HRC: variants seen among roughly 807,000 people sequenced by gnomAD.
The protein encoded by HRC is histidine rich calcium binding protein.
A neutral mutation model predicts 61.4 loss-of-function variants in HRC; 41 were observed. The ratio of observed to expected loss-of-function variants is 0.67; its 90% CI spans 0.52 to 0.87. The LOEUF (loss-of-function observed/expected upper bound fraction) is 0.87, where lower values mean the gene tolerates loss of function less well. HRC is among the 40% of genes least tolerant of loss of function. The pLI, the probability that HRC is intolerant of heterozygous loss-of-function variation, is 0.00. For missense variants in HRC, 839 were observed against 885.8 expected, an observed-to-expected ratio of 0.95 and a Z score of 0.67; for synonymous variants, 308 against 326.6, an observed-to-expected ratio of 0.94 and a Z score of 0.62.
Position 49,155,022 on chromosome 19 carries a change from C to G in HRC, c.216G>C (p.Lys72Asn). ...GATGCCCATTCTCTGTGGAAACATC[C>G]TTGTTCTCATCTGGATGGTCTCTAG... is the stretch of plus-strand genomic sequence containing the variant. ...HSPRDHPDENKDVSTENGHHF... is the reference protein window; with the variant it reads ...HSPRDHPDENNDVSTENGHHF... The change falls in exon 1 of 6, where the codon AAG becomes AAC. Residue 72 changes from lysine (K) to asparagine (N), a missense_variant. Physicochemically the swap from Lys to Asn is moderately conservative, Grantham distance 94. Coordinates refer to ENST00000252825, the MANE Select transcript of HRC (RefSeq NM_002152.3). The surrounding 1 kb of genome is among the most constrained non-coding windows in gnomAD (Gnocchi z 4.7). 6.2e-7 allele frequency: 1 copy of G among 1,614,232 alleles called. No homozygotes were observed. Among genetic ancestry groups the G allele is most frequent in the Admixed American group, 1.7e-5 (1 of 60,030 alleles).
In HRC at chr19:49,154,216, G is replaced by A; in HGVS notation, c.1022C>T (p.Pro341Leu). The A allele has an allele frequency of 6.2e-7, 1 of 1,612,764 alleles. No homozygotes were observed. Among genetic ancestry groups the A allele is most frequent in the Non-Finnish European group, 8.5e-7 (1 of 1,179,578 alleles). The change falls in exon 1 of 6, where the codon CCT (proline) becomes CTT (leucine). Residue 341 changes from proline (P) to leucine (L), a missense_variant. Physicochemically the swap from Pro to Leu is moderately conservative, Grantham distance 98. Transcript: ENST00000252825. ...TCTGTGGCCTTGGTGCCTGTGGTCAGGGACATGATGGTGGTGTTCACCTGA... is the reference window on the plus strand; with the variant it reads ...TCTGTGGCCTTGGTGCCTGTGGTCAAGGACATGATGGTGGTGTTCACCTGA... ...AVSGEHHHHVPDHRHQGHRDE... is the reference protein window; with the variant it reads ...AVSGEHHHHVLDHRHQGHRDE...
chr19:49,151,919 C>G, intron 4 of HRC, 85 bp downstream of exon 4: 1 of 1,380,834 alleles, frequency 7.2e-7, no homozygotes, highest in East Asian at 2.3e-5. Flanking sequence ...ACCAGCCTAC[C>G]GGGCCAGGCT....
Position 49,154,746 on chromosome 19 carries a change from A to C in HRC, c.492T>G (p.Asp164Glu). ...GCTCACTGGACACAACTTCATCCTCATCCTCGTCTTGATGGCTGTGGCTCC... is the reference window on the plus strand; with the variant it reads ...GCTCACTGGACACAACTTCATCCTCCTCCTCGTCTTGATGGCTGTGGCTCC... ...SHRSHSHQDE[D>E]EDEVVSSEHH... is the part of the protein sequence containing the mutation. The change falls in exon 1 of 6, where the codon GAT becomes GAG. Residue 164 changes from aspartate to glutamate, a missense_variant. Asp to Glu is a conservative substitution (Grantham distance 45). Coordinates refer to ENST00000252825, the MANE Select transcript of HRC (RefSeq NM_002152.3). 1 of 1,612,026 alleles carries C rather than the reference A, an allele frequency of 6.2e-7. No individual in the cohort carries two copies. The highest frequency in any genetic ancestry group is 8.5e-7 in the Non-Finnish European group (1 of 1,179,418).
rs975882214 is a variant in HRC at position 49,151,995 on chromosome 19, C to T, written c.2026+9G>A. 3 of 1,614,020 alleles carry T rather than the reference C, an allele frequency of 1.9e-6. No individual in the cohort carries two copies. In the African/African-American group the frequency reaches 4.0e-5, roughly 22 times the overall value. On this transcript the variant is annotated intron_variant, in intron 4 of 5. Coordinates refer to ENST00000252825, the MANE Select transcript of HRC (RefSeq NM_002152.3). Reference sequence around the variant, plus strand: ...CCTCAGGTTTTTCCAGGGCCCCGCCCATGCTCACCTGGAGCGCAGACCGTT... The same window carrying T: ...CCTCAGGTTTTTCCAGGGCCCCGCCTATGCTCACCTGGAGCGCAGACCGTT...
In HRC at chr19:49,154,144, C is replaced by A. The variant is rs376705504; in HGVS notation, c.1094G>T (p.Gly365Val). ...AAGGCCATGGTGGACATGTTGGGGA[C>A]CCTGGTGCCAACGTTCAGTGGACAC... Reference protein sequence around the residue: ...EDVSTERWHQGPQHVHHGLVD... With the variant: ...EDVSTERWHQVPQHVHHGLVD... Residue 365 changes from glycine (G) to valine (V), a missense_variant, in exon 1 of 6, where the codon GGT (glycine) becomes GTT (valine). By Grantham distance (109) the Gly-to-Val change is moderately radical. Coordinates refer to ENST00000252825, the MANE Select transcript of HRC (RefSeq NM_002152.3). The A allele has an allele frequency of 7.4e-6, 12 of 1,614,010 alleles. No homozygotes were observed. In the African/African-American group the frequency reaches 1.5e-4, roughly 20 times the overall value.
Position 49,153,672 on chromosome 19 carries a change from C to G in HRC, c.1566G>C (p.Glu522Asp), listed in dbSNP as rs763826189. The G allele has an allele frequency of 1.3e-5, 21 of 1,608,028 alleles. No individual in the cohort carries two copies. The highest frequency in any genetic ancestry group is 3.3e-4 in the Middle Eastern group (2 of 6,050). Reference protein sequence around the residue: ...GSRDQEDEEDEEEGHGLSLNQ... With the variant: ...GSRDQEDEEDDEEGHGLSLNQ... Reference sequence around the variant, plus strand: ...TCAGGCTGAGGCCATGACCTTCCTCCTCATCCTCCTCATCTTCCTGGTCCC... The same window carrying G: ...TCAGGCTGAGGCCATGACCTTCCTCGTCATCCTCCTCATCTTCCTGGTCCC... The change falls in exon 1 of 6, where the codon GAG becomes GAC. Residue 522 changes from glutamate to aspartate, a missense_variant. Physicochemically the swap from Glu to Asp is conservative, Grantham distance 45 (BLOSUM62 2). Coordinates refer to ENST00000252825, the MANE Select transcript of HRC (RefSeq NM_002152.3). The surrounding 1 kb of genome is among the most constrained non-coding windows in gnomAD (Gnocchi z 4.8).
rs774035843 is a variant in HRC, at chr19:49,152,044, G to A, written c.1986C>T (p.Cys662=). The change falls in exon 4 of 6, where the codon TGC becomes TGT. Residue 662 remains cysteine (C), a synonymous_variant. Coordinates refer to ENST00000252825, the MANE Select transcript of HRC (RefSeq NM_002152.3). The part of the protein sequence containing the change: ...HCDQCQHCQF[C]YLCPLVCETV... Reference sequence around the variant, plus strand: ...TTTCGCAGACCAGCGGGCAGAGATAGCAGAACTGACAGTGCTGGAGGCGGG... The same window carrying A: ...TTTCGCAGACCAGCGGGCAGAGATAACAGAACTGACAGTGCTGGAGGCGGG... 6.2e-7 allele frequency: 1 copy of A among 1,614,076 alleles called. No individual in the cohort carries two copies. The highest frequency in any genetic ancestry group is 2.2e-5 in the East Asian group (1 of 44,896).
chr19:49,152,517 C>T lies in HRC; in HGVS notation c.1903-139G>A, dbSNP rs2041371628. On this transcript the variant is annotated intron_variant, in intron 2 of 5. Coordinates refer to ENST00000252825, the MANE Select transcript of HRC (RefSeq NM_002152.3). ...CTAACACTGAGCTCTGTATCTGCCC[C>T]CCAAACCAGCCTCCCCTCCCCTCCC... The T allele has an allele frequency of 1.2e-5, 7 of 576,284 alleles. No individual in the cohort carries two copies. The South Asian group carries it at 1.8e-4, about 15-fold the overall frequency. The allele number at this position is 576,284 out of a possible 1,614,324, so 35.7% of individuals were successfully genotyped here.
chr19:49,153,521 C>A lies in HRC; in HGVS notation c.1717G>T (p.Glu573Ter). ...TCATCTTCCTCCAGCCCCTCCTCCT[C>A]CTCCTCTTCCTCCTCGCTGTGGTCT... ...SPDHSEEEEE[E>*]EEGLEEDEPR... Residue 573 changes from glutamate (E) to a stop codon, truncating the protein, a stop_gained, in exon 1 of 6, where the codon GAG (glutamate) becomes TAG (stop). Coordinates refer to ENST00000252825, the MANE Select transcript of HRC (RefSeq NM_002152.3). LOFTEE classifies it high-confidence loss of function. This position sits in a 1 kb window ranked among gnomAD's most constrained non-coding sequence, Gnocchi z 4.8. The A allele has an allele frequency of 6.3e-7, 1 of 1,579,772 alleles. No homozygotes were observed. The highest frequency in any genetic ancestry group is 8.6e-7 in the Non-Finnish European group (1 of 1,162,796).
At chr19:49,152,239 C>A in intron 3 of HRC, 71 bp downstream of exon 3, 1 of 1,432,780 alleles carries the variant, frequency 7.0e-7, no homozygotes, top group Non-Finnish European at 9.8e-7. Context: ...GGATTTAGGG[C>A]TGGGGGTCCT....
In HRC at chr19:49,154,024, T is replaced by C. The variant is rs1469690259; in HGVS notation, c.1214A>G (p.Asp405Gly). Residue 405 changes from aspartate (D) to glycine (G), a missense_variant, in exon 1 of 6, where the codon GAC becomes GGC. By Grantham distance (94) the Asp-to-Gly change is moderately conservative. Transcript: ENST00000252825. ...QPRGHKSDEE[D>G]FQDEYKTEVP... is the part of the protein sequence containing the mutation. ...TTCTGTTTTATACTCATCTTGGAAG[T>C]CCTCTTCATCACTCTTGTGGCCTCG... 1.2e-6 allele frequency: 2 copies of C among 1,614,126 alleles called. No individual in the cohort carries two copies. The highest frequency in any genetic ancestry group is 3.3e-5 in the Admixed American group (2 of 60,012).
intron 2 of HRC, 39 bp from the exon 3 acceptor site, chr19:49,152,417 C>A: frequency 6.3e-7 from 1 of 1,588,428 alleles, no homozygotes; most frequent in Non-Finnish European, 8.6e-7. Flanking sequence ...GAAACTCTAA[C>A]GCCACTTGGG....
At chr19:49,152,450 C>A in intron 2 of HRC, 72 bp from the exon 3 acceptor site, 1 of 1,275,130 alleles carries the variant, frequency 7.8e-7, no homozygotes, top group Non-Finnish European at 1.1e-6. Context: ...CTGGCCCACC[C>A]CTGCACCCTG....
rs995593074 is a variant in HRC at position 49,151,213 on chromosome 19, T to G, written c.*83A>C. ...GACAATGAGGTTTCGGGGAGCACGT[T>G]TATTCGGAGAAATAAATATAGCTCG... On this transcript the variant is annotated 3_prime_UTR_variant, in exon 6 of 6. Coordinates refer to ENST00000252825, the MANE Select transcript of HRC (RefSeq NM_002152.3). 2.4e-6 allele frequency: 3 copies of G among 1,237,132 alleles called. No individual in the cohort carries two copies. In the African/African-American group the frequency reaches 4.6e-5, roughly 19 times the overall value. 76.6% of individuals were successfully genotyped at this position (1,237,132 alleles called of 1,614,324 possible). A position where few individuals can be genotyped will look rare whatever the true frequency, so the allele number is the denominator to read the frequency against.
chr19:49,152,851 G>T (rs967159534), intron 2 of HRC, among the ~76,000 whole-genome samples: 1 of 151,342 alleles, frequency 6.6e-6, no homozygotes, highest in African/African-American at 2.4e-5. Context: ...GATTACAGGC[G>T]TGAGCCACCA....
rs756563869 is a variant in HRC at position 49,155,153 on chromosome 19, G to T, written c.85C>A (p.Gln29Lys). 15 of 1,613,842 alleles carry T rather than the reference G, an allele frequency of 9.3e-6. No individual in the cohort carries two copies. The highest frequency in any genetic ancestry group is 1.3e-5 in the Non-Finnish European group (15 of 1,180,016). Residue 29 changes from glutamine to lysine, a missense_variant, in exon 1 of 6, where the codon CAG becomes AAG. Gln to Lys is a moderately conservative substitution (Grantham distance 53). Coordinates refer to ENST00000252825, the MANE Select transcript of HRC (RefSeq NM_002152.3). This position sits in a 1 kb window ranked among gnomAD's most constrained non-coding sequence, Gnocchi z 4.7. The stretch of plus-strand genomic sequence containing the variant: ...AAGCCTAGCCCATCCCCTCTGAGCT[G>T]CTGGGTCATGGCCGGGGGGAGGAGC... Reference protein sequence around the residue: ...SLLLPPAMTQQLRGDGLGFRN... With the variant: ...SLLLPPAMTQKLRGDGLGFRN...
rs1159105005 is a variant in HRC, at chr19:49,151,567, G to A, written c.2027-14C>T. 9 of 1,613,306 alleles carry A rather than the reference G, an allele frequency of 5.6e-6. No homozygotes were observed. The highest frequency in any genetic ancestry group is 7.6e-6 in the Non-Finnish European group (9 of 1,179,938). On this transcript the variant is annotated splice_polypyrimidine_tract_variant and intron_variant, in intron 4 of 5. Coordinates refer to ENST00000252825, the MANE Select transcript of HRC (RefSeq NM_002152.3). The stretch of plus-strand genomic sequence containing the variant: ...CAACGTAGCTTCCTGTGGGACAGCA[G>A]AGAAAAGAGGCTTGAGGGGTACTGC...
In HRC at chr19:49,153,439, GCACCT is replaced by G; in HGVS notation, c.1794_1798del (p.Gly599LeufsTer8). 1 of 1,606,950 alleles carries G rather than the reference GCACCT, an allele frequency of 6.2e-7. No homozygotes were observed. Among genetic ancestry groups the G allele is most frequent in the Non-Finnish European group, 8.5e-7 (1 of 1,175,300 alleles). On this transcript the variant is annotated frameshift_variant, in exon 1 of 6. Coordinates refer to ENST00000252825, the MANE Select transcript of HRC (RefSeq NM_002152.3). LOFTEE classifies it high-confidence loss of function. The surrounding 1 kb of genome is among the most constrained non-coding windows in gnomAD (Gnocchi z 4.8). ...CTCACCGCTTTCCTCCTCGCTGGAG[GCACCT>G]CCAGCCTCCTCTCTCCTGTCCAGTG...
In HRC at chr19:49,153,039, C is replaced by T. The variant is rs535326440; in HGVS notation, c.1902+222G>A. Among the ~76,000 whole-genome samples, 1 of 152,266 alleles carries T rather than the reference C, an allele frequency of 6.6e-6. No homozygotes were observed. The highest frequency in any genetic ancestry group is 1.9e-4 in the East Asian group (1 of 5,170). On this transcript the variant is annotated intron_variant, in intron 2 of 5. Transcript: ENST00000252825. The surrounding 1 kb of genome is among the most constrained non-coding windows in gnomAD (Gnocchi z 4.8). ...ACAGACCCCTGTCTCTGTCCCCACA[C>T]CCCAAGATGCAGCTTGGGTCTTGTC...
Sources: gnomAD v4.1 joint callset for allele counts (sites outside exome capture counted in the v4.1 genomes callset) on GRCh38, gnomAD v4.1.1 for gene constraint, Gnocchi (gnomAD v3.1) non-coding constraint, MANE v1.5 for transcripts, NCBI Gene and HGNC (gene_info 2026-07-23, HGNC 2026-07-21) for gene names.